COL26A1: variants seen among roughly 807,000 people sequenced by gnomAD.
COL26A1 encodes collagen type XXVI alpha 1 chain.
A neutral mutation model predicts 59.3 loss-of-function variants in COL26A1; 41 were observed. That is an observed-to-expected ratio of 0.69 (90% CI 0.54 to 0.90). The LOEUF is 0.90. Among genes scored for constraint, COL26A1 ranks in the 40% least tolerant of loss-of-function variants. The probability of loss-of-function intolerance (pLI) is 0.00; values close to 1 mark genes in which losing one functional copy is unlikely to be tolerated. For missense variants in COL26A1, 612 were observed against 602.3 expected, an observed-to-expected ratio of 1.02 and a Z score of -0.17; for synonymous variants, 266 against 256.0, an observed-to-expected ratio of 1.04 and a Z score of -0.37.
At chr7:101,519,799 T>C (rs921896303) in intron 3 of COL26A1, among the ~76,000 whole-genome samples, 1 of 152,168 alleles carries the variant, frequency 6.6e-6, no homozygotes, top group African/African-American at 2.4e-5. Flanking sequence ...GGGCGTCCAG[T>C]GTTCCCTCCT....
chr7:101,498,606 C>T (rs562234763), intron 3 of COL26A1, among the ~76,000 whole-genome samples: 8 of 152,240 alleles, frequency 5.3e-5, no homozygotes, highest in South Asian at 4.1e-4. Context: ...GTGACCCTGC[C>T]GGCGACACCA....
At chr7:101,367,598 G>A (rs1324665526) in intron 1 of COL26A1, among the ~76,000 whole-genome samples, 1 of 151,804 alleles carries the variant, frequency 6.6e-6, no homozygotes, top group Non-Finnish European at 1.5e-5. Context: ...CCGGGAGGCG[G>A]AGGGTACAAT....
chr7:101,401,566 GAA>G (rs776626101), intron 1 of COL26A1, among the ~76,000 whole-genome samples: 49 of 142,116 alleles, frequency 3.4e-4, no homozygotes, highest in African/African-American at 1.1e-3. Flanking sequence ...AGGAAGAAGA[GAA>G]AGAGGAGGAG....
At chr7:101,524,128 G>A (rs925513811) in intron 3 of COL26A1, among the ~76,000 whole-genome samples, 3 of 151,962 alleles carry the variant, frequency 2.0e-5, no homozygotes, top group East Asian at 1.9e-4. Context: ...AAAATTAGCC[G>A]GGCATGGTGG....
At chr7:101,553,434 G>T in intron 11 of COL26A1, 58 bp downstream of exon 11, 2 of 1,547,456 alleles carry the variant, frequency 1.3e-6, no homozygotes. Flanking sequence ...GCACTGTCAC[G>T]GGAGGGCAGG....
intron 3 of COL26A1, among the ~76,000 whole-genome samples, chr7:101,482,106 TC>T (rs1282974267): frequency 6.6e-6 from 1 of 151,408 alleles, no homozygotes; most frequent in African/African-American, 2.4e-5. Flanking sequence ...AACCTCTGCC[TC>T]CCGGGTTTAA....
At chr7:101,489,655 T>G (rs376313052) in intron 3 of COL26A1, among the ~76,000 whole-genome samples, 913 of 75,288 alleles carry the variant, frequency 0.012, 65 homozygotes, top group African/African-American at 0.045. Flanking sequence ...CTTTCTTTCT[T>G]TCTTTCTTCC....
chr7:101,489,308 C>T (rs1329742753), intron 3 of COL26A1, among the ~76,000 whole-genome samples: 1 of 152,136 alleles, frequency 6.6e-6, no homozygotes, highest in Non-Finnish European at 1.5e-5. Flanking sequence ...TGGAGTCCAG[C>T]TAGGGAAAGA....
upstream of COL26A1, among the ~76,000 whole-genome samples, chr7:101,362,658 G>T (rs1370607567): frequency 1.3e-5 from 2 of 152,212 alleles, no homozygotes; most frequent in African/African-American, 2.4e-5. Flanking sequence ...TGGTTTCAAA[G>T]GTTCTAAGGT....
chr7:101,527,869 A>AG (rs1241550487), intron 3 of COL26A1, among the ~76,000 whole-genome samples: 1 of 152,094 alleles, frequency 6.6e-6, no homozygotes, highest in Non-Finnish European at 1.5e-5. Context: ...CACATCGTAG[A>AG]GTAGTTCGGG....
Position 101,363,194 on chromosome 7 carries a change from A to G in COL26A1, c.158+4A>G, listed in dbSNP as rs1584339035. ...GCAGCGGCTACGCGAGCCGCCGGTG[A>G]GTAGCTCGGGGCCGAGGGGCCGGGG... On this transcript the variant is annotated splice_donor_region_variant and intron_variant, in intron 1 of 12. Transcript: ENST00000313669. 1 of 1,024,038 alleles carries G rather than the reference A, an allele frequency of 9.8e-7. No individual in the cohort carries two copies. The highest frequency in any genetic ancestry group is 7.1e-5 in the East Asian group (1 of 14,070). The allele number at this position is 1,024,038 out of a possible 1,614,324, so 63.4% of individuals were successfully genotyped here. A position where few individuals can be genotyped will look rare whatever the true frequency, so the allele number is the denominator to read the frequency against.
At chr7:101,471,567 G>GTTTTTTTTTTTTTTTTTTTTTT (rs796287195) in intron 3 of COL26A1, among the ~76,000 whole-genome samples, 2 of 112,386 alleles carry the variant, frequency 1.8e-5, no homozygotes, top group African/African-American at 7.0e-5. Flanking sequence ...TGTTGTTGTT[G>GTTTTTTTTTTTTTTTTTTTTTT]TTTGTTTTTT....
At chr7:101,475,826 CTT>C (rs781293134) in intron 3 of COL26A1, among the ~76,000 whole-genome samples, 5 of 147,410 alleles carry the variant, frequency 3.4e-5, no homozygotes, top group Non-Finnish European at 7.4e-5. Context: ...CTTTCTCTCT[CTT>C]TCTCTCTCTC....
At chr7:101,553,879 G>T (rs942566788) in intron 11 of COL26A1, among the ~76,000 whole-genome samples, 1 of 152,136 alleles carries the variant, frequency 6.6e-6, no homozygotes, top group African/African-American at 2.4e-5. Context: ...ATTGGAGCAA[G>T]CGGAGGCTGG....
chr7:101,452,819 C>T (rs1012041494), intron 3 of COL26A1, among the ~76,000 whole-genome samples: 9 of 151,688 alleles, frequency 5.9e-5, no homozygotes, highest in African/African-American at 2.2e-4. Context: ...GGCTGAAGTG[C>T]AGTGGTGTGA....
intron 5 of COL26A1, among the ~76,000 whole-genome samples, chr7:101,543,429 T>C (rs10264716): frequency 0.54 from 82,685 of 151,980 alleles, 25,572 homozygotes; most frequent in African/African-American, 0.84. Flanking sequence ...CTCAGCCTCC[T>C]AAGGTGCTGA....
intron 1 of COL26A1, among the ~76,000 whole-genome samples, chr7:101,396,297 C>T (rs952123900): frequency 6.6e-6 from 1 of 151,910 alleles, no homozygotes; most frequent in African/African-American, 2.4e-5. Flanking sequence ...ACACAAAACT[C>T]CTAGTGGTTC....
intron 10 of COL26A1, 190 bp from the exon 11 acceptor site, chr7:101,553,136 G>T: frequency 1.9e-6 from 1 of 537,228 alleles, no homozygotes; most frequent in East Asian, 3.1e-5. Context: ...TGAGCAGGCT[G>T]TGCCCCGGAG....
At chr7:101,520,627 G>GACACACACACACACACACACACAC (rs1250474937) in intron 3 of COL26A1, among the ~76,000 whole-genome samples, 1 of 88,956 alleles carries the variant, frequency 1.1e-5, no homozygotes, top group Non-Finnish European at 2.2e-5. Context: ...GACAAGCACA[G>GACACACACACACACACACACACAC]ACACATACAC....
Sources: allele counts gnomAD v4.1 joint callset (sites outside exome capture counted in the v4.1 genomes callset), GRCh38; gene constraint gnomAD v4.1.1; transcripts MANE v1.5; gene names NCBI Gene and HGNC (gene_info 2026-07-23, HGNC 2026-07-21).